TRPS1: variants seen among roughly 807,000 people sequenced by gnomAD.
TRPS1 encodes zinc finger transcription factor Trps1.
In TRPS1, 6 loss-of-function variants were observed where a neutral mutation model predicts 101.2. That is an observed-to-expected ratio of 0.06 (90% CI 0.03 to 0.12). The LOEUF (loss-of-function observed/expected upper bound fraction) is 0.12. Ranked by LOEUF, TRPS1 falls within the 10% of genes least tolerant of loss-of-function variation. TRPS1 has a pLI of 1.00. For missense variants in TRPS1, 1,363 were observed against 1,567.0 expected (o/e 0.87, Z 2.20); for synonymous variants, 578 against 589.8 (o/e 0.98, Z 0.29).
intron 4 of TRPS1, among the ~76,000 whole-genome samples, chr8:115,601,397 T>G (rs966802157): frequency 6.6e-6 from 1 of 152,178 alleles, no homozygotes; most frequent in African/African-American, 2.4e-5. Context: ...GTGACTATGT[T>G]CTTTCACATC....
At chr8:115,599,861 TG>T (rs1397396821) in intron 4 of TRPS1, among the ~76,000 whole-genome samples, 1 of 141,196 alleles carries the variant, frequency 7.1e-6, no homozygotes, top group Non-Finnish European at 1.6e-5. Flanking sequence ...TACCCAGTAA[TG>T]GGATTGCTGG....
intron 1 of TRPS1, among the ~76,000 whole-genome samples, chr8:115,664,214 G>T (rs1811872127): frequency 6.6e-6 from 1 of 151,980 alleles, no homozygotes; most frequent in Non-Finnish European, 1.5e-5. Flanking sequence ...TTAATCCACT[G>T]GTTACAGCTT....
chr8:115,572,898 C>T (rs912514982), intron 5 of TRPS1, among the ~76,000 whole-genome samples: 28 of 152,072 alleles, frequency 1.8e-4, no homozygotes, highest in Middle Eastern at 3.4e-3. Context: ...TTTGGGAGGC[C>T]GAGGTGGGTG....
intron 1 of TRPS1, among the ~76,000 whole-genome samples, chr8:115,636,007 T>A (rs1025285071): frequency 7.2e-5 from 11 of 152,190 alleles, no homozygotes; most frequent in Admixed American, 7.2e-4. Context: ...AAAAAAGCAT[T>A]ACTGAAATGA....
chr8:115,502,108 A>T (rs1563557456), intron 5 of TRPS1, among the ~76,000 whole-genome samples: 1 of 152,196 alleles, frequency 6.6e-6, no homozygotes, highest in Non-Finnish European at 1.5e-5. Flanking sequence ...AAAATGAATC[A>T]TCAGGAAGAT....
intron 5 of TRPS1, among the ~76,000 whole-genome samples, chr8:115,446,327 G>C (rs1342731097): frequency 8.4e-6 from 1 of 119,234 alleles, no homozygotes; most frequent in Non-Finnish European, 1.8e-5. Flanking sequence ...TTTTTTTCCT[G>C]TCAGACAAAA....
At chr8:115,442,832 C>T (rs746477921) in intron 5 of TRPS1, among the ~76,000 whole-genome samples, 1 of 151,666 alleles carries the variant, frequency 6.6e-6, no homozygotes, top group African/African-American at 2.4e-5. Flanking sequence ...TGGCTCACGC[C>T]GGTAATCCCA....
At chr8:115,568,204 A>G (rs1318292232) in intron 5 of TRPS1, among the ~76,000 whole-genome samples, 2 of 152,148 alleles carry the variant, frequency 1.3e-5, no homozygotes, top group Non-Finnish European at 2.9e-5. Flanking sequence ...CACATTTTAT[A>G]TAAGAATGAA....
intron 5 of TRPS1, among the ~76,000 whole-genome samples, chr8:115,449,394 G>A (rs556256821): frequency 6.6e-6 from 1 of 152,294 alleles, no homozygotes; most frequent in East Asian, 1.9e-4. Flanking sequence ...TCTGCACTTT[G>A]CAGTTTGGGG....
chr8:115,584,798 G>C (rs1162628237), intron 5 of TRPS1, among the ~76,000 whole-genome samples: 1 of 151,952 alleles, frequency 6.6e-6, no homozygotes, highest in Non-Finnish European at 1.5e-5. Context: ...CATCATCTAA[G>C]ATATGTACAC....
intron 5 of TRPS1, among the ~76,000 whole-genome samples, chr8:115,465,019 T>C (rs981226833): frequency 6.6e-6 from 1 of 152,120 alleles, no homozygotes; most frequent in Non-Finnish European, 1.5e-5. Context: ...CATCTGTCCT[T>C]TGAAGCACAA....
chr8:115,488,990 T>C (rs1563767407), intron 5 of TRPS1, among the ~76,000 whole-genome samples: 1 of 152,208 alleles, frequency 6.6e-6, no homozygotes, highest in Non-Finnish European at 1.5e-5. Context: ...TTTTGTCTAA[T>C]AAGTAGTATA....
chr8:115,622,339 G>C (rs1337874221), intron 2 of TRPS1, among the ~76,000 whole-genome samples: 1 of 151,926 alleles, frequency 6.6e-6, no homozygotes, highest in Non-Finnish European at 1.5e-5. Flanking sequence ...GCAGAAAACC[G>C]AAGGGCAATT....
intron 5 of TRPS1, among the ~76,000 whole-genome samples, chr8:115,585,182 T>G (rs13271228): frequency 0.7 from 105,732 of 152,062 alleles, 38,173 homozygotes; most frequent in African/African-American, 0.89. Flanking sequence ...CTGAAAAGGC[T>G]GTTAAAATGA....
chr8:115,465,607 T>G (rs548135119), intron 5 of TRPS1, among the ~76,000 whole-genome samples: 48 of 152,270 alleles, frequency 3.2e-4, no homozygotes, highest in African/African-American at 1.2e-3. Flanking sequence ...ATACATATAC[T>G]GTCCTAGGTA....
Position 115,492,006 on chromosome 8 carries a change from T to C in TRPS1, c.2701-73554A>G, listed in dbSNP as rs188444982. Among the ~76,000 whole-genome samples, 25 of 152,290 alleles carry C rather than the reference T, an allele frequency of 1.6e-4. 1 individual carries two copies. The East Asian group carries it at 3.7e-3, about 22-fold the overall frequency. On this transcript the variant is annotated intron_variant, in intron 5 of 6. Coordinates refer to ENST00000395715, the MANE Select transcript of TRPS1 (RefSeq NM_014112.5). ...TAAATGAAATATACCCAGGAGGACTTGATGATTATGAAAGGTTAAGGGTCT... is the reference window on the plus strand; with the variant it reads ...TAAATGAAATATACCCAGGAGGACTCGATGATTATGAAAGGTTAAGGGTCT...
At chr8:115,562,571 G>C (rs748333972) in intron 5 of TRPS1, among the ~76,000 whole-genome samples, 1 of 150,688 alleles carries the variant, frequency 6.6e-6, no homozygotes. Flanking sequence ...AAAAAATGTT[G>C]TTGAATTTTA....
At chr8:115,512,154 C>T (rs765636358) in intron 5 of TRPS1, among the ~76,000 whole-genome samples, 1 of 151,764 alleles carries the variant, frequency 6.6e-6, no homozygotes, top group East Asian at 1.9e-4. Flanking sequence ...TCTCTCCAAG[C>T]TGAAACTTGG....
chr8:115,581,206 T>A (rs915386512), intron 5 of TRPS1, among the ~76,000 whole-genome samples: 19 of 151,460 alleles, frequency 1.3e-4, no homozygotes, highest in South Asian at 6.3e-4. Context: ...AAAAAAAAAA[T>A]TTATCTTGTA....
Sources: gnomAD v4.1 joint callset for allele counts (sites outside exome capture counted in the v4.1 genomes callset) on GRCh38, gnomAD v4.1.1 for gene constraint, MANE v1.5 for transcripts, NCBI Gene and HGNC (gene_info 2026-07-23, HGNC 2026-07-21) for gene names.